MECOM: variants seen among roughly 807,000 people sequenced by gnomAD.
MECOM encodes histone-lysine N-methyltransferase MECOM.
Under a neutral mutation model 116.3 loss-of-function variants are expected in MECOM, and 13 were observed. That is an observed-to-expected ratio of 0.11 (90% CI 0.07 to 0.18). The LOEUF (loss-of-function observed/expected upper bound fraction) is 0.18. Among genes scored for constraint, MECOM ranks in the 10% least tolerant of loss-of-function variants. The pLI, the probability that MECOM is intolerant of heterozygous loss-of-function variation, is 1.00. For missense variants in MECOM, 1,299 were observed against 1,509.0 expected, an observed-to-expected ratio of 0.86 and a Z score of 2.31; for synonymous variants, 528 against 535.2, an observed-to-expected ratio of 0.99 and a Z score of 0.19.
rs753607200 is a variant in MECOM, at chr3:169,115,736, A to G, written c.2136T>C (p.Asp712=). 3.7e-6 allele frequency: 6 copies of G among 1,614,068 alleles called. No homozygotes were observed. Among genetic ancestry groups the G allele is most frequent in the African/African-American group, 1.3e-5 (1 of 74,928 alleles). The part of the protein sequence containing the change: ...AFSQSMYPFP[D]RDLRSLPLKM... ...TCAAAGGTAACGATCTCAAGTCTCT[A>G]TCAGGAAATGGGTACATTGATTGAG... The change falls in exon 8 of 17, where the codon GAT becomes GAC. Residue 712 remains aspartate (D), a synonymous_variant. Coordinates refer to ENST00000651503, the MANE Select transcript of MECOM (RefSeq NM_004991.4).
intron 2 of MECOM, among the ~76,000 whole-genome samples, chr3:169,332,148 C>T (rs145267618): frequency 6.6e-6 from 1 of 152,176 alleles, no homozygotes; most frequent in East Asian, 1.9e-4. Flanking sequence ...ACCACATATC[C>T]CTCAGGGGGA....
chr3:169,564,084 A>G (rs1007383537), intron 1 of MECOM, among the ~76,000 whole-genome samples: 1 of 152,252 alleles, frequency 6.6e-6, no homozygotes, highest in African/African-American at 2.4e-5. Context: ...TTTTCAATAA[A>G]GGGAATAACT....
At chr3:169,113,371 C>G (rs1157341992) in intron 8 of MECOM, among the ~76,000 whole-genome samples, 1 of 151,426 alleles carries the variant, frequency 6.6e-6, no homozygotes, top group South Asian at 2.1e-4. Context: ...GAGGTTCTCT[C>G]TCTCTCAATA....
intron 1 of MECOM, among the ~76,000 whole-genome samples, chr3:169,529,365 A>C (rs1426202419): frequency 6.6e-6 from 1 of 152,244 alleles, no homozygotes; most frequent in Non-Finnish European, 1.5e-5. Context: ...AATTTGATTG[A>C]GGGACCTTCC....
intron 1 of MECOM, among the ~76,000 whole-genome samples, chr3:169,564,965 G>C (rs963945917): frequency 4.6e-5 from 7 of 152,226 alleles, no homozygotes; most frequent in Non-Finnish European, 8.8e-5. Context: ...GGATGGTACA[G>C]GAGAACAGGT....
chr3:169,229,624 G>T (rs538468972), intron 2 of MECOM, among the ~76,000 whole-genome samples: 2 of 152,154 alleles, frequency 1.3e-5, no homozygotes, highest in East Asian at 3.9e-4. Flanking sequence ...CAATGGCCCT[G>T]GTCCCCTCCT....
intron 1 of MECOM, among the ~76,000 whole-genome samples, chr3:169,383,581 A>G (rs140572647): frequency 2.6e-5 from 4 of 152,252 alleles, no homozygotes; most frequent in African/African-American, 9.6e-5. Flanking sequence ...TCACACCTAA[A>G]TATTTTCATA....
chr3:169,147,715 GGTGT>G lies in MECOM; in HGVS notation c.376-3887_376-3884del, dbSNP rs10659980. On this transcript the variant is annotated intron_variant, in intron 2 of 16. Transcript: ENST00000651503. ...TTCGATGTCTTGAAAGCACAAGTGT[GGTGT>G]GTGTGTGTGTGTGTGCGCGCGAGTG... The G allele has an allele frequency of 1.7e-4, 160 of 953,252 alleles. 1 individual carries two copies. The highest frequency in any genetic ancestry group is 1.7e-3 in the South Asian group (34 of 20,448). 59.0% of individuals were successfully genotyped at this position (953,252 alleles called of 1,614,324 possible). A position where few individuals can be genotyped will look rare whatever the true frequency, so the allele number is the denominator to read the frequency against.
intron 2 of MECOM, among the ~76,000 whole-genome samples, chr3:169,368,524 C>A (rs762064739): frequency 5.3e-5 from 8 of 151,972 alleles, no homozygotes; most frequent in Non-Finnish European, 7.4e-5. Flanking sequence ...GGAACAAATT[C>A]TCTTCATGTT....
At chr3:169,108,037 T>G (rs931620795) in intron 9 of MECOM, 85 bp from the exon 10 acceptor site, 1 of 1,136,744 alleles carries the variant, frequency 8.8e-7, no homozygotes, top group African/African-American at 1.5e-5. Context: ...AATTAACATT[T>G]GTACTAACTT....
chr3:169,540,973 C>A (rs1225423460), intron 1 of MECOM, among the ~76,000 whole-genome samples: 1 of 152,168 alleles, frequency 6.6e-6, no homozygotes, highest in South Asian at 2.1e-4. Context: ...ACTGGGAGCC[C>A]TTCAAGAGCA....
chr3:169,576,672 C>T (rs750169069), intron 1 of MECOM, among the ~76,000 whole-genome samples: 1 of 152,038 alleles, frequency 6.6e-6, no homozygotes, highest in African/African-American at 2.4e-5. Flanking sequence ...CTATGGTAGT[C>T]ATTTAAAATG....
chr3:169,425,345 C>T (rs1255905365), intron 1 of MECOM, among the ~76,000 whole-genome samples: 1 of 152,146 alleles, frequency 6.6e-6, no homozygotes, highest in Non-Finnish European at 1.5e-5. Flanking sequence ...TGTCCATACA[C>T]TTGATCTGCA....
chr3:169,310,684 A>C (rs150826375), intron 2 of MECOM, among the ~76,000 whole-genome samples: 2 of 152,348 alleles, frequency 1.3e-5, no homozygotes, highest in East Asian at 3.9e-4. Context: ...TTAATAATTG[A>C]CTGATCTACA....
chr3:169,617,218 A>G (rs1770121305), intron 1 of MECOM, among the ~76,000 whole-genome samples: 1 of 152,248 alleles, frequency 6.6e-6, no homozygotes, highest in African/African-American at 2.4e-5. Flanking sequence ...TAACAGAGGT[A>G]GGACCATAGG....
chr3:169,633,738 A>T (rs2109983623), intron 1 of MECOM, among the ~76,000 whole-genome samples: 1 of 152,192 alleles, frequency 6.6e-6, no homozygotes, highest in South Asian at 2.1e-4. Context: ...TAAAGTGGCC[A>T]TGCTTCGTCA....
intron 1 of MECOM, among the ~76,000 whole-genome samples, chr3:169,449,231 A>C (rs1344239465): frequency 6.6e-6 from 1 of 152,112 alleles, no homozygotes; most frequent in Non-Finnish European, 1.5e-5. Context: ...GCATATGATA[A>C]ATTTCTCAAA....
intron 1 of MECOM, among the ~76,000 whole-genome samples, chr3:169,583,662 T>C (rs1765385288): frequency 6.6e-6 from 1 of 152,200 alleles, no homozygotes; most frequent in African/African-American, 2.4e-5. Flanking sequence ...TGTTTGTTTG[T>C]TTGTTTTTTG....
rs1042646683 is a variant in MECOM, at chr3:169,116,571, G to A, written c.1301C>T (p.Ala434Val). 14 of 1,614,018 alleles carry A rather than the reference G, an allele frequency of 8.7e-6. No individual in the cohort carries two copies. Among genetic ancestry groups the A allele is most frequent in the Non-Finnish European group, 1.1e-5 (13 of 1,180,014 alleles). The part of the protein sequence containing the change: ...RRFCEGKNHF[A>V]AGGFFGQGIS... ...GCCTTGGCCAAAAAATCCACCTGCC[G>A]CAAAATGGTTCTTGCCCTCACAAAA... Residue 434 changes from alanine (A) to valine (V), a missense_variant, in exon 8 of 17, where the codon GCG (alanine) becomes GTG (valine). This residue lies in a region of MECOM where 238 missense variants were observed against 273.1 expected (regional missense o/e 0.87). Transcript: ENST00000651503.
Sources: allele counts gnomAD v4.1 joint callset (sites outside exome capture counted in the v4.1 genomes callset), GRCh38; gene constraint gnomAD v4.1.1; regional missense constraint gnomAD v4.1.1; transcripts MANE v1.5; gene names NCBI Gene and HGNC (gene_info 2026-07-23, HGNC 2026-07-21).